LAPTM4B: variants seen among roughly 807,000 people sequenced by gnomAD.
LAPTM4B encodes the protein lysosomal protein transmembrane 4 beta.
In LAPTM4B, 26 loss-of-function variants were observed where a neutral mutation model predicts 28.5. That is an observed-to-expected ratio of 0.91 (90% CI 0.67 to 1.27). LAPTM4B has a LOEUF of 1.27. Ranked by LOEUF, LAPTM4B falls within the 50% of genes most tolerant of loss-of-function variation. LAPTM4B has a pLI of 0.00. For missense variants in LAPTM4B, 288 were observed against 285.8 expected (o/e 1.01, Z -0.06); for synonymous variants, 109 against 106.4 (o/e 1.02, Z -0.15).
At chr8:97,803,140 A>G (rs1161045931) in intron 1 of LAPTM4B, among the ~76,000 whole-genome samples, 1 of 151,540 alleles carries the variant, frequency 6.6e-6, no homozygotes, top group Non-Finnish European at 1.5e-5. Context: ...TGGAGGTTGT[A>G]GTGAGCCGAG....
chr8:97,836,138 A>T (rs7004748), intron 6 of LAPTM4B, among the ~76,000 whole-genome samples: 3 of 151,790 alleles, frequency 2.0e-5, no homozygotes, highest in African/African-American at 7.3e-5. Context: ...CTGCCGATGT[A>T]GATTATGGTA....
intron 6 of LAPTM4B, among the ~76,000 whole-genome samples, chr8:97,844,952 A>T (rs764356577): frequency 2.0e-5 from 3 of 152,152 alleles, no homozygotes; most frequent in Admixed American, 6.5e-5. Context: ...ATCCCTAAAA[A>T]TCATAGAATC....
chr8:97,776,307 C>T (rs1329853969), intron 1 of LAPTM4B, among the ~76,000 whole-genome samples, 199 bp downstream of exon 1: 1 of 150,014 alleles, frequency 6.7e-6, no homozygotes, highest in Non-Finnish European at 1.5e-5. Context: ...GAGTTTGGGG[C>T]GATGGGGGAG....
chr8:97,840,041 C>T (rs529468022), intron 6 of LAPTM4B, among the ~76,000 whole-genome samples: 3 of 152,116 alleles, frequency 2.0e-5, no homozygotes, highest in African/African-American at 7.2e-5. Context: ...CCCCCTGGAA[C>T]GGTTGTTGTC....
intron 1 of LAPTM4B, among the ~76,000 whole-genome samples, chr8:97,790,099 T>A (rs954718225): frequency 3.9e-5 from 6 of 152,232 alleles, no homozygotes; most frequent in Admixed American, 1.3e-4. Flanking sequence ...ACAGTTTCTT[T>A]ATCCATTCAC....
intron 1 of LAPTM4B, among the ~76,000 whole-genome samples, chr8:97,794,436 G>T (rs911193728): frequency 6.6e-6 from 1 of 152,076 alleles, no homozygotes; most frequent in African/African-American, 2.4e-5. Flanking sequence ...AATCATTTTT[G>T]TACAACCCAG....
At position 97,851,592 on chromosome 8, in the gene LAPTM4B, CTT is replaced by C; in HGVS notation, c.*122_*123del. The C allele has an allele frequency of 1.3e-6, 1 of 753,854 alleles. No individual in the cohort carries two copies. The highest frequency in any genetic ancestry group is 2.3e-6 in the Non-Finnish European group (1 of 442,332). The allele number at this position is 753,854 out of a possible 1,614,324, so 46.7% of individuals were successfully genotyped here. A position where few individuals can be genotyped will look rare whatever the true frequency, so the allele number is the denominator to read the frequency against. ...GAGCTTGTTTGTTGCTGAAATGCTACTTTTTAAAATTTAGATGTTAGATTGAA... is the reference window on the plus strand; with the variant it reads ...GAGCTTGTTTGTTGCTGAAATGCTACTTTAAAATTTAGATGTTAGATTGAA... On this transcript the variant is annotated 3_prime_UTR_variant, in exon 7 of 7. Coordinates refer to ENST00000521545, the MANE Select transcript of LAPTM4B (RefSeq NM_018407.6).
At chr8:97,816,265 A>C in intron 4 of LAPTM4B, 85 bp downstream of exon 4, 3 of 1,268,170 alleles carry the variant, frequency 2.4e-6, no homozygotes, top group South Asian at 1.6e-5. Flanking sequence ...AGATACACAG[A>C]CATTAATTTC....
intron 1 of LAPTM4B, among the ~76,000 whole-genome samples, chr8:97,793,846 G>A (rs1239508736): frequency 1.3e-5 from 2 of 152,104 alleles, no homozygotes; most frequent in Admixed American, 6.6e-5. Flanking sequence ...TTGCTCTGTC[G>A]CCCAGGCTGG....
At chr8:97,802,429 A>C (rs1446894793) in intron 1 of LAPTM4B, among the ~76,000 whole-genome samples, 1 of 151,944 alleles carries the variant, frequency 6.6e-6, no homozygotes, top group African/African-American at 2.4e-5. Flanking sequence ...CGCTGGTGGG[A>C]GTGTCTTTTA....
At position 97,782,279 on chromosome 8, in the gene LAPTM4B, C is replaced by CTTTTT. The variant is rs34322160; in HGVS notation, c.99+6194_99+6198dup. Among the ~76,000 whole-genome samples the CTTTTT allele has an allele frequency of 4.6e-3, 232 of 50,256 alleles. 44 individuals are homozygous for CTTTTT. Among genetic ancestry groups the CTTTTT allele is most frequent in the East Asian group, 0.044 (48 of 1,098 alleles). The allele number at this position is 50,256 out of a possible 152,430, so 33.0% of individuals were successfully genotyped here. A position where few individuals can be genotyped will look rare whatever the true frequency, so the allele number is the denominator to read the frequency against. On this transcript the variant is annotated intron_variant, in intron 1 of 6. Coordinates refer to ENST00000521545, the MANE Select transcript of LAPTM4B (RefSeq NM_018407.6). ...TACAGGCCTGAGCCACCATGCCCAGCTTTTTTTTTTTTTTTTTTTTTTTTT... is the reference window on the plus strand; with the variant it reads ...TACAGGCCTGAGCCACCATGCCCAGCTTTTTTTTTTTTTTTTTTTTTTTTTTTTTT...
chr8:97,820,780 G>C (rs1396654534), intron 5 of LAPTM4B, among the ~76,000 whole-genome samples: 1 of 151,864 alleles, frequency 6.6e-6, no homozygotes. Flanking sequence ...CTAGGCTGGA[G>C]TGCAGAGGTG....
intron 1 of LAPTM4B, among the ~76,000 whole-genome samples, chr8:97,797,384 C>T (rs547615927): frequency 3.9e-5 from 6 of 152,300 alleles, no homozygotes; most frequent in Admixed American, 6.5e-5. Context: ...CCTCCTGCCT[C>T]ATCCTCCCAA....
intron 1 of LAPTM4B, among the ~76,000 whole-genome samples, chr8:97,804,492 A>G (rs2129769083): frequency 6.6e-6 from 1 of 152,324 alleles, no homozygotes. Context: ...CCATCTCTAC[A>G]GCTTGGTAGT....
rs551261886 is a variant in LAPTM4B, at chr8:97,782,909, T to C, written c.99+6801T>C. Among the ~76,000 whole-genome samples, 4 of 135,516 alleles carry C rather than the reference T, an allele frequency of 3.0e-5. No individual in the cohort carries two copies. In the East Asian group the frequency reaches 8.1e-4, roughly 27 times the overall value. The allele number at this position is 135,516 out of a possible 152,430, so 88.9% of individuals were successfully genotyped here. On this transcript the variant is annotated intron_variant, in intron 1 of 6. Coordinates refer to ENST00000521545, the MANE Select transcript of LAPTM4B (RefSeq NM_018407.6). ...ACCATACCTGGCTAATTTTGTATTT[T>C]ATTTATTTATTTATTTATTTATTTA...
At chr8:97,849,810 C>T (rs6984645) in intron 6 of LAPTM4B, among the ~76,000 whole-genome samples, 3,944 of 152,034 alleles carry the variant, frequency 0.026, 177 homozygotes, top group African/African-American at 0.086. Context: ...TCCTCCACCC[C>T]CCTGCCCGCC....
At chr8:97,819,742 T>C (rs1280139602) in intron 5 of LAPTM4B, among the ~76,000 whole-genome samples, 1 of 142,082 alleles carries the variant, frequency 7.0e-6, no homozygotes, top group African/African-American at 2.6e-5. Flanking sequence ...TTTTTTTTTT[T>C]TTTTTTTTTT....
chr8:97,829,436 A>G (rs1817145372), intron 6 of LAPTM4B, among the ~76,000 whole-genome samples: 1 of 152,030 alleles, frequency 6.6e-6, no homozygotes. Context: ...GGTTGATGTG[A>G]GTGTTGGGGC....
At chr8:97,777,189 C>T (rs1816235699) in intron 1 of LAPTM4B, among the ~76,000 whole-genome samples, 1 of 135,250 alleles carries the variant, frequency 7.4e-6, no homozygotes. Flanking sequence ...CTCTGTGGCC[C>T]GGGCTGGAGT....
Sources: allele counts gnomAD v4.1 joint callset (sites outside exome capture counted in the v4.1 genomes callset), GRCh38; gene constraint gnomAD v4.1.1; transcripts MANE v1.5; gene names NCBI Gene and HGNC (gene_info 2026-07-23, HGNC 2026-07-21).